The following GSE1 variants were observed in gnomAD, a reference collection of about 807,000 sequenced individuals.
GSE1 encodes Gse1 coiled-coil protein.
Under a neutral mutation model 112.6 loss-of-function variants are expected in GSE1, and 32 were observed. The observed-to-expected ratio is 0.28, with a 90% CI of 0.21 to 0.38. The LOEUF (loss-of-function observed/expected upper bound fraction) is 0.38. Among genes scored for constraint, GSE1 ranks in the 10% least tolerant of loss-of-function variants. GSE1 has a pLI of 1.00. For synonymous variants in GSE1, 1,115 were observed against 735.6 expected, an observed-to-expected ratio of 1.52 and a Z score of -8.35; for missense variants, 2,348 against 1,699.2, an observed-to-expected ratio of 1.38 and a Z score of -6.71.
chr16:85,218,492 G>A (rs1397396159), intron 1 of GSE1, among the ~76,000 whole-genome samples: 1 of 152,238 alleles, frequency 6.6e-6, no homozygotes, highest in East Asian at 1.9e-4. Context: ...GGCTGCACGT[G>A]AAACGAGACG....
At chr16:85,597,496 A>G (rs1567630263) in intron 1 of GSE1, among the ~76,000 whole-genome samples, 1 of 151,660 alleles carries the variant, frequency 6.6e-6, no homozygotes, top group Non-Finnish European at 1.5e-5. Flanking sequence ...GAGAGACAGG[A>G]TCTCATTCTG....
intron 1 of GSE1, among the ~76,000 whole-genome samples, chr16:85,622,240 C>T (rs992421871): frequency 6.6e-6 from 1 of 152,174 alleles, no homozygotes; most frequent in African/African-American, 2.4e-5. Context: ...ATTCCAAAGT[C>T]CATCTTGGCT....
chr16:85,246,004 G>C (rs572679678), intron 1 of GSE1, among the ~76,000 whole-genome samples: 46 of 150,660 alleles, frequency 3.1e-4, no homozygotes, highest in African/African-American at 1.1e-3. Context: ...GGAGGCAAGG[G>C]GTGTGTGCGT....
intron 1 of GSE1, among the ~76,000 whole-genome samples, chr16:85,589,999 A>G (rs2046912446): frequency 6.6e-6 from 1 of 151,676 alleles, no homozygotes; most frequent in African/African-American, 2.4e-5. Flanking sequence ...TGAATGTGAG[A>G]CTGTGTGACC....
chr16:85,581,075 G>T (rs74031855), intron 1 of GSE1, among the ~76,000 whole-genome samples: 3,512 of 152,342 alleles, frequency 0.023, 140 homozygotes, highest in African/African-American at 0.079. Context: ...GTGGTTGGCT[G>T]ATTTTGCCTT....
At position 85,673,306 on chromosome 16, in the gene GSE1, G is replaced by GTGCT. The variant is rs2053487065; in HGVS notation, c.*769_*772dup. On this transcript the variant is annotated 3_prime_UTR_variant, in exon 16 of 16. Coordinates refer to ENST00000253458, the MANE Select transcript of GSE1 (RefSeq NM_014615.5). Reference sequence around the variant, plus strand: ...GTAAATTTTGAGAGAAAAGTCAAAGGTGCTTCAGCCTTGTACTGTGTATAT... The same window carrying GTGCT: ...GTAAATTTTGAGAGAAAAGTCAAAGGTGCTTGCTTCAGCCTTGTACTGTGTATAT... The GTGCT allele has an allele frequency of 6.6e-6, 1 of 152,308 alleles. No homozygotes were observed. The highest frequency in any genetic ancestry group is 2.4e-5 in the African/African-American group (1 of 41,326). The allele number at this position is 152,308 out of a possible 1,614,324, so 9.4% of individuals were successfully genotyped here.
At chr16:85,527,375 T>C (rs918231999) in intron 2 of GSE1, among the ~76,000 whole-genome samples, 1 of 152,210 alleles carries the variant, frequency 6.6e-6, no homozygotes, top group Non-Finnish European at 1.5e-5. Flanking sequence ...AGGTTCGCCC[T>C]CAGAAGAACC....
rs369569467 is a variant in GSE1 at position 85,455,508 on chromosome 16, C to A, written c.2464+97865C>A. Reference sequence around the variant, plus strand: ...CAGACCCCATGGTCCCCTCCTCACACCCCATGCTCAGGCCGGTGTGGGTTT... The same window carrying A: ...CAGACCCCATGGTCCCCTCCTCACAACCCATGCTCAGGCCGGTGTGGGTTT... On this transcript the variant is annotated intron_variant, in intron 2 of 2. Coordinates refer to the GSE1 transcript ENST00000637419. 3.9e-5 allele frequency among the ~76,000 whole-genome samples: 6 copies of A among 152,342 alleles called. No individual in the cohort carries two copies. The East Asian group carries it at 7.7e-4, about 20-fold the overall frequency.
At chr16:85,510,471 G>A (rs1384435592) in intron 2 of GSE1, among the ~76,000 whole-genome samples, 4 of 138,938 alleles carry the variant, frequency 2.9e-5, no homozygotes, top group South Asian at 2.3e-4. Context: ...GCGTGCACCC[G>A]CCTTGGCGGG....
chr16:85,411,215 C>CCT (rs74188312), intron 2 of GSE1, among the ~76,000 whole-genome samples: 23 of 56,154 alleles, frequency 4.1e-4, no homozygotes, highest in Admixed American at 5.6e-4. Context: ...TCAGGGCCCC[C>CCT]GGATAATCCT....
At chr16:85,323,291 A>G (rs73259612) in intron 1 of GSE1, among the ~76,000 whole-genome samples, 5,900 of 152,158 alleles carry the variant, frequency 0.039, 372 homozygotes, top group African/African-American at 0.13. Context: ...CATTTCCAGA[A>G]CCTTCTGAGG....
chr16:85,561,588 C>G (rs1376284071), intron 1 of GSE1, among the ~76,000 whole-genome samples: 1 of 152,218 alleles, frequency 6.6e-6, no homozygotes, highest in Non-Finnish European at 1.5e-5. Context: ...GAAACTGAGG[C>G]CCAGAGAGAG....
At chr16:85,651,695 C>G (rs149645741) in intron 3 of GSE1, among the ~76,000 whole-genome samples, 2 of 152,232 alleles carry the variant, frequency 1.3e-5, no homozygotes, top group Non-Finnish European at 2.9e-5. Flanking sequence ...TCTTCTGACT[C>G]TGGCCACCCA....
At chr16:85,482,478 C>G (rs994447404) in intron 2 of GSE1, among the ~76,000 whole-genome samples, 3 of 149,582 alleles carry the variant, frequency 2.0e-5, no homozygotes, top group Non-Finnish European at 4.4e-5. Flanking sequence ...CAGCGGGTCC[C>G]TCAGCCTCCA....
chr16:85,383,527 GTCTC>G (rs55919597), intron 2 of GSE1, among the ~76,000 whole-genome samples: 8,674 of 129,620 alleles, frequency 0.067, 358 homozygotes, highest in East Asian at 0.13. Context: ...GCACACCTGC[GTCTC>G]TCTCTCTCTC....
chr16:85,638,146 A>G, intron 2 of GSE1, among the ~76,000 whole-genome samples: 1 of 152,180 alleles, frequency 6.6e-6, no homozygotes, highest in African/African-American at 2.4e-5. Context: ...GGTTTTCGCC[A>G]TCTGACTGCG....
chr16:85,229,546 T>C (rs2075546587), intron 1 of GSE1, among the ~76,000 whole-genome samples: 1 of 152,192 alleles, frequency 6.6e-6, no homozygotes, highest in African/African-American at 2.4e-5. Flanking sequence ...AACGATTTCA[T>C]ACTCACATGA....
Position 85,666,243 on chromosome 16 carries a change from A to G in GSE1, c.3026A>G (p.Asn1009Ser). Residue 1009 changes from asparagine (N) to serine (S), a missense_variant, in exon 13 of 16, where the codon AAT becomes AGT. Transcript: ENST00000253458. ...DIPVPLSHST[N>S]GKSKPWEPFV... is the part of the protein sequence containing the mutation. ...CCTGTGCCGCTGTCCCACAGCACCA[A>G]TGGGAAGAGCAAGCCGTGGGAGCCC... 2 of 1,613,840 alleles carry G rather than the reference A, an allele frequency of 1.2e-6. No homozygotes were observed. The highest frequency in any genetic ancestry group is 1.7e-6 in the Non-Finnish European group (2 of 1,180,028).
At chr16:85,194,221 C>T (rs1412178244) in intron 1 of GSE1, among the ~76,000 whole-genome samples, 2 of 152,168 alleles carry the variant, frequency 1.3e-5, no homozygotes, top group South Asian at 2.1e-4. Flanking sequence ...GTGGTCTCTG[C>T]TGCAGCTCTG....
Sources: allele counts gnomAD v4.1 joint callset (sites outside exome capture counted in the v4.1 genomes callset), GRCh38; gene constraint gnomAD v4.1.1; transcripts MANE v1.5; gene names NCBI Gene and HGNC (gene_info 2026-07-23, HGNC 2026-07-21).